Variants in PTPRD observed in about 807,000 individuals in gnomAD.
PTPRD encodes protein tyrosine phosphatase receptor type D.
PTPRD carries 34 observed loss-of-function variants against 214.5 expected under a neutral mutation model. The ratio of observed to expected loss-of-function variants is 0.16; its 90% CI spans 0.12 to 0.21. The LOEUF (loss-of-function observed/expected upper bound fraction) is 0.21. Ranked by LOEUF, PTPRD falls within the 10% of genes least tolerant of loss-of-function variation. PTPRD has a pLI of 1.00. For missense variants in PTPRD, 2,545 were observed against 2,398.7 expected (o/e 1.06, Z -1.27); for synonymous variants, 1,128 against 845.7 (o/e 1.33, Z -5.79).
intron 5 of PTPRD, among the ~76,000 whole-genome samples, chr9:9,859,834 G>T (rs929349645): frequency 6.6e-6 from 1 of 152,050 alleles, no homozygotes; most frequent in African/African-American, 2.4e-5. Context: ...TTATAACATG[G>T]CTCTGTTTCT....
intron 11 of PTPRD, among the ~76,000 whole-genome samples, chr9:8,768,752 T>G (rs1308102323): frequency 1.3e-5 from 2 of 152,096 alleles, no homozygotes; most frequent in African/African-American, 2.4e-5. Flanking sequence ...CCAAAACCCT[T>G]CATTGGAAGA....
chr9:10,235,347 T>C (rs2099625508), intron 3 of PTPRD, among the ~76,000 whole-genome samples: 2 of 151,950 alleles, frequency 1.3e-5, no homozygotes, highest in Admixed American at 1.3e-4. Context: ...TACCAGGACT[T>C]CTTAAAAACA....
chr9:8,499,110 G>A (rs1294241314), intron 25 of PTPRD, among the ~76,000 whole-genome samples: 2 of 151,922 alleles, frequency 1.3e-5, no homozygotes, highest in East Asian at 1.9e-4. Flanking sequence ...TCATTGTAAC[G>A]ATCTTCATTT....
intron 9 of PTPRD, among the ~76,000 whole-genome samples, chr9:9,295,321 C>T (rs1462975365): frequency 6.6e-6 from 1 of 151,616 alleles, no homozygotes; most frequent in Non-Finnish European, 1.5e-5. Flanking sequence ...ACATAAGAAG[C>T]CAAATGAGTG....
At chr9:9,869,794 G>C (rs2064962800) in intron 5 of PTPRD, among the ~76,000 whole-genome samples, 1 of 151,564 alleles carries the variant, frequency 6.6e-6, no homozygotes, top group African/African-American at 2.4e-5. Flanking sequence ...AAAAAATACA[G>C]AGGAAAAGAA....
intron 11 of PTPRD, among the ~76,000 whole-genome samples, chr9:8,758,720 CT>C (rs1285014477): frequency 6.6e-6 from 1 of 150,898 alleles, no homozygotes; most frequent in African/African-American, 2.4e-5. Context: ...ACAAACATTT[CT>C]TGTTTGAGAG....
At chr9:9,974,928 T>C (rs2095295876) in intron 4 of PTPRD, among the ~76,000 whole-genome samples, 1 of 152,132 alleles carries the variant, frequency 6.6e-6, no homozygotes, top group Admixed American at 6.6e-5. Flanking sequence ...TCTGAGATAT[T>C]TATAGTATAT....
intron 3 of PTPRD, among the ~76,000 whole-genome samples, chr9:10,300,615 G>T (rs1443019350): frequency 6.6e-6 from 1 of 152,116 alleles, no homozygotes; most frequent in Non-Finnish European, 1.5e-5. Context: ...TTGAGTAAGT[G>T]GTTTTACCCT....
chr9:10,264,201 A>G (rs2154377896), intron 3 of PTPRD, among the ~76,000 whole-genome samples: 1 of 152,308 alleles, frequency 6.6e-6, no homozygotes, highest in East Asian at 1.9e-4. Flanking sequence ...AAGCCCCCAC[A>G]TAGAGTCCCC....
intron 39 of PTPRD, among the ~76,000 whole-genome samples, chr9:8,343,569 T>C (rs1415205920): frequency 6.6e-6 from 1 of 151,832 alleles, no homozygotes; most frequent in African/African-American, 2.4e-5. Flanking sequence ...AGATGGCGAG[T>C]TTTCCCTGAC....
Position 10,271,703 on chromosome 9 carries a change from C to T in PTPRD, c.-545+69260G>A, listed in dbSNP as rs147190868. 7.4e-3 allele frequency among the ~76,000 whole-genome samples: 1,121 copies of T among 151,804 alleles called. 15 individuals carry two copies. The highest frequency in any genetic ancestry group is 0.025 in the African/African-American group (1,048 of 41,446). On this transcript the variant is annotated intron_variant, in intron 3 of 45. Transcript: ENST00000381196. ...CATTATCGGCGTCTGCCACCACACC[C>T]GGCTAATTTTTGTGTTTTTAGTAGA...
At position 10,173,956 on chromosome 9, in the gene PTPRD, T is replaced by A. The variant is rs1047054211; in HGVS notation, c.-544-140166A>T. Among the ~76,000 whole-genome samples, 6 of 152,218 alleles carry A rather than the reference T, an allele frequency of 3.9e-5. No homozygotes were observed. In the East Asian group the frequency reaches 1.2e-3, roughly 29 times the overall value. On this transcript the variant is annotated intron_variant, in intron 3 of 45. Coordinates refer to ENST00000381196, the MANE Select transcript of PTPRD (RefSeq NM_002839.4). ...TTATGTACTGAATTTTGAGGAAAAT[T>A]CTTTCCTACCATGTGCAGAAATAAA...
intron 9 of PTPRD, among the ~76,000 whole-genome samples, chr9:9,232,895 AC>A (rs1348663477): frequency 1.3e-5 from 2 of 151,990 alleles, no homozygotes; most frequent in Non-Finnish European, 2.9e-5. Flanking sequence ...AAAAACTAGA[AC>A]CCCTTTTCCA....
intron 4 of PTPRD, among the ~76,000 whole-genome samples, chr9:9,956,891 A>G (rs1299385859): frequency 6.6e-6 from 1 of 152,162 alleles, no homozygotes; most frequent in African/African-American, 2.4e-5. Context: ...TCAACTTTAA[A>G]CACATATTAG....
intron 7 of PTPRD, among the ~76,000 whole-genome samples, chr9:9,649,690 T>A (rs535487963): frequency 2.0e-4 from 30 of 152,342 alleles, no homozygotes; most frequent in Non-Finnish European, 3.7e-4. Context: ...ATTAATGTGG[T>A]TCCACCTTGG....
intron 3 of PTPRD, among the ~76,000 whole-genome samples, chr9:10,336,040 C>T (rs562876872): frequency 1.3e-5 from 2 of 151,822 alleles, no homozygotes; most frequent in South Asian, 4.1e-4. Context: ...CAGTTTCTTA[C>T]AAAACTAAAC....
chr9:8,905,865 C>G (rs2098704363), intron 11 of PTPRD, among the ~76,000 whole-genome samples: 1 of 152,088 alleles, frequency 6.6e-6, no homozygotes, highest in Non-Finnish European at 1.5e-5. Flanking sequence ...TCACAATGAT[C>G]CTAAGGAAAC....
chr9:8,973,409 G>T (rs1234241570), intron 11 of PTPRD, among the ~76,000 whole-genome samples: 2 of 151,954 alleles, frequency 1.3e-5, no homozygotes, highest in Non-Finnish European at 2.9e-5. Context: ...TCTTTTTTAT[G>T]GCTGCGTAGT....
intron 4 of PTPRD, among the ~76,000 whole-genome samples, chr9:9,963,748 G>A (rs771258603): frequency 4.6e-5 from 7 of 152,134 alleles, no homozygotes; most frequent in Non-Finnish European, 8.8e-5. Flanking sequence ...CTTTAGAGGT[G>A]ATATATGAAG....
Sources: allele counts gnomAD v4.1 joint callset (sites outside exome capture counted in the v4.1 genomes callset), GRCh38; gene constraint gnomAD v4.1.1; transcripts MANE v1.5; gene names NCBI Gene and HGNC (gene_info 2026-07-23, HGNC 2026-07-21).